Variants in TNIK observed in about 807,000 individuals in gnomAD.
TNIK encodes the protein TRAF2 and NCK-interacting protein kinase.
TNIK carries 49 observed loss-of-function variants against 191.3 expected under a neutral mutation model. The observed-to-expected ratio is 0.26, with a 90% CI of 0.20 to 0.32. The LOEUF is 0.32. Among genes scored for constraint, TNIK ranks in the 10% least tolerant of loss-of-function variants. The pLI is 1.00. For synonymous variants in TNIK, 594 were observed against 600.9 expected (o/e 0.99, Z 0.17); for missense variants, 1,155 against 1,702.3 (o/e 0.68, Z 5.66).
chr3:171,249,626 T>C (rs1049586689), intron 2 of TNIK, among the ~76,000 whole-genome samples: 3 of 152,222 alleles, frequency 2.0e-5, no homozygotes, highest in African/African-American at 4.8e-5. Flanking sequence ...TCACCTCAAA[T>C]AATTCATTAC....
At chr3:171,114,641 C>T (rs891133646) in intron 18 of TNIK, among the ~76,000 whole-genome samples, 4 of 152,164 alleles carry the variant, frequency 2.6e-5, no homozygotes, top group African/African-American at 9.7e-5. Context: ...TTAATATGAT[C>T]ATATAAATGT....
At chr3:171,124,471 A>G (rs1728197719) in intron 17 of TNIK, among the ~76,000 whole-genome samples, 2 of 152,212 alleles carry the variant, frequency 1.3e-5, no homozygotes, top group South Asian at 4.1e-4. Flanking sequence ...GTATGTCCCA[A>G]TTTATAAAAC....
At chr3:171,336,188 TG>T (rs1756935704) in intron 2 of TNIK, among the ~76,000 whole-genome samples, 1 of 152,086 alleles carries the variant, frequency 6.6e-6, no homozygotes, top group South Asian at 2.1e-4. Flanking sequence ...ACTAACAAAA[TG>T]GGTTTTTGTT....
At chr3:171,322,225 A>T (rs924099455) in intron 2 of TNIK, among the ~76,000 whole-genome samples, 1 of 152,216 alleles carries the variant, frequency 6.6e-6, no homozygotes, top group Non-Finnish European at 1.5e-5. Context: ...CATTAAAATC[A>T]CAGATTTTTT....
chr3:171,361,391 C>T (rs2172393), intron 2 of TNIK, among the ~76,000 whole-genome samples: 148,347 of 152,302 alleles, frequency 0.97, 72,262 homozygotes, highest in East Asian at 1. Context: ...AATCGACCCA[C>T]CCATATGGCA....
chr3:171,228,695 A>C (rs1288366050), intron 2 of TNIK, among the ~76,000 whole-genome samples: 1 of 152,188 alleles, frequency 6.6e-6, no homozygotes, highest in Non-Finnish European at 1.5e-5. Context: ...TTTATCTTAA[A>C]AGGGAGCCTA....
At chr3:171,342,341 T>C (rs1470895377) in intron 2 of TNIK, among the ~76,000 whole-genome samples, 2 of 152,216 alleles carry the variant, frequency 1.3e-5, no homozygotes, top group Non-Finnish European at 2.9e-5. Flanking sequence ...TGGTCTAGAT[T>C]AAATTGTGAA....
chr3:171,097,177 CTG>C (rs958808950), intron 22 of TNIK, among the ~76,000 whole-genome samples: 1 of 152,116 alleles, frequency 6.6e-6, no homozygotes, highest in Non-Finnish European at 1.5e-5. Context: ...ATGTTAAAAA[CTG>C]TGATAAGAGA....
intron 2 of TNIK, among the ~76,000 whole-genome samples, chr3:171,343,078 C>T (rs1711555440): frequency 6.6e-6 from 1 of 152,116 alleles, no homozygotes; most frequent in Non-Finnish European, 1.5e-5. Flanking sequence ...ATAAGTTACC[C>T]ATCTTGGATA....
chr3:171,388,616 T>TAC (rs369273448), intron 1 of TNIK, among the ~76,000 whole-genome samples: 176 of 152,206 alleles, frequency 1.2e-3, no homozygotes, highest in African/African-American at 4.1e-3. Context: ...TAGGCATCCT[T>TAC]ACACACACAC....
At chr3:171,416,386 A>G (rs922506992) in intron 1 of TNIK, among the ~76,000 whole-genome samples, 7 of 152,076 alleles carry the variant, frequency 4.6e-5, no homozygotes, top group African/African-American at 1.7e-4. Flanking sequence ...AGACAACTGG[A>G]CAGGTCTCTT....
chr3:171,184,257 A>G (rs1159776705), intron 7 of TNIK, among the ~76,000 whole-genome samples: 2 of 152,204 alleles, frequency 1.3e-5, no homozygotes, highest in Non-Finnish European at 2.9e-5. Context: ...TATGTTATCT[A>G]GATACAGAAC....
At chr3:171,396,817 T>A (rs932512058) in intron 1 of TNIK, among the ~76,000 whole-genome samples, 1 of 152,150 alleles carries the variant, frequency 6.6e-6, no homozygotes, top group Non-Finnish European at 1.5e-5. Context: ...AGACTACCAT[T>A]TTTAAGGTAT....
At chr3:171,343,147 C>G (rs1285981739) in intron 2 of TNIK, among the ~76,000 whole-genome samples, 1 of 152,148 alleles carries the variant, frequency 6.6e-6, no homozygotes, top group African/African-American at 2.4e-5. Context: ...GTCTAACTCC[C>G]CACTTCTTAG....
intron 2 of TNIK, among the ~76,000 whole-genome samples, chr3:171,341,387 G>A (rs191349088): frequency 4.5e-4 from 66 of 148,018 alleles, no homozygotes; most frequent in Admixed American, 1.6e-3. Flanking sequence ...CAGGAGAATC[G>A]CTTGAACCCA....
At chr3:171,302,904 T>C (rs1753035304) in intron 2 of TNIK, among the ~76,000 whole-genome samples, 1 of 152,198 alleles carries the variant, frequency 6.6e-6, no homozygotes, top group African/African-American at 2.4e-5. Flanking sequence ...CAAGTCTCTC[T>C]TGCTCAAATC....
At chr3:171,244,287 G>T (rs1181250867) in intron 2 of TNIK, among the ~76,000 whole-genome samples, 1 of 151,932 alleles carries the variant, frequency 6.6e-6, no homozygotes, top group Non-Finnish European at 1.5e-5. Flanking sequence ...GGATGGTCTC[G>T]ATCTTCTGAC....
At chr3:171,176,633 T>C (rs1735990777) in intron 8 of TNIK, among the ~76,000 whole-genome samples, 1 of 152,218 alleles carries the variant, frequency 6.6e-6, no homozygotes, top group South Asian at 2.1e-4. Context: ...GAATCTTGTG[T>C]CCTCCAGGAA....
At chr3:171,336,633 G>C (rs1047007341) in intron 2 of TNIK, among the ~76,000 whole-genome samples, 29 of 152,290 alleles carry the variant, frequency 1.9e-4, no homozygotes, top group African/African-American at 7.0e-4. Flanking sequence ...CTCTGCTTGA[G>C]AGGTAGGCAA....
Sources: allele counts gnomAD v4.1 joint callset (sites outside exome capture counted in the v4.1 genomes callset), GRCh38; gene constraint gnomAD v4.1.1; transcripts MANE v1.5; gene names NCBI Gene and HGNC (gene_info 2026-07-23, HGNC 2026-07-21).